The following PTPN4 variants were observed in gnomAD, a reference collection of about 807,000 sequenced individuals.
The protein encoded by PTPN4 is tyrosine-protein phosphatase non-receptor type 4.
PTPN4 carries 49 observed loss-of-function variants against 135.5 expected under a neutral mutation model. That is an observed-to-expected ratio of 0.36 (90% CI 0.29 to 0.46). The LOEUF is 0.46. Ranked by LOEUF, PTPN4 falls within the 20% of genes least tolerant of loss-of-function variation. PTPN4 has a pLI of 1.00. For missense variants in PTPN4, 860 were observed against 1,101.0 expected (o/e 0.78, Z 3.10); for synonymous variants, 333 against 369.9 (o/e 0.90, Z 1.14).
At chr2:119,820,652 T>G (rs1677052521) in intron 2 of PTPN4, among the ~76,000 whole-genome samples, 1 of 152,214 alleles carries the variant, frequency 6.6e-6, no homozygotes, top group Non-Finnish European at 1.5e-5. Context: ...AACCCACCAT[T>G]CATAATGTTT....
Position 119,795,720 on chromosome 2 carries a change from A to C in PTPN4, c.-17-14117A>C, listed in dbSNP as rs775457797. Among the ~76,000 whole-genome samples, 117 of 152,320 alleles carry C rather than the reference A, an allele frequency of 7.7e-4. No individual in the cohort carries two copies. In the Middle Eastern group the frequency reaches 0.017, roughly 22 times the overall value. On this transcript the variant is annotated intron_variant, in intron 1 of 26. Transcript: ENST00000263708. Reference sequence around the variant, plus strand: ...AACTGTAACTTTTGCAGCAACATCCATGCCTGGGGGGCGGGGCTTCTGCCT... The same window carrying C: ...AACTGTAACTTTTGCAGCAACATCCCTGCCTGGGGGGCGGGGCTTCTGCCT...
Position 119,842,572 on chromosome 2 carries a change from C to T in PTPN4, c.139-19964C>T, listed in dbSNP as rs145982773. Among the ~76,000 whole-genome samples, 585 of 152,254 alleles carry T rather than the reference C, an allele frequency of 3.8e-3. 2 individuals carry two copies. Among genetic ancestry groups the T allele is most frequent in the African/African-American group, 0.013 (540 of 41,552 alleles). On this transcript the variant is annotated intron_variant, in intron 2 of 26. Transcript: ENST00000263708. ...GAAAACAGAAAAATTCAGGTGGACT[C>T]ATGATATAATAAAATAGTTATTGAA...
At chr2:119,878,950 G>A (rs1350950425) in intron 5 of PTPN4, among the ~76,000 whole-genome samples, 7 of 151,744 alleles carry the variant, frequency 4.6e-5, no homozygotes, top group East Asian at 1.9e-4. Context: ...AAAATTAGCC[G>A]GGTGTGGTGG....
intron 26 of PTPN4, among the ~76,000 whole-genome samples, chr2:119,969,717 C>T (rs368562940): frequency 6.6e-6 from 1 of 151,944 alleles, no homozygotes; most frequent in East Asian, 1.9e-4. Context: ...CGCCACCATG[C>T]CCTGCTAATT....
intron 11 of PTPN4, among the ~76,000 whole-genome samples, chr2:119,919,657 T>C (rs751661502): frequency 6.6e-6 from 1 of 152,044 alleles, no homozygotes; most frequent in Non-Finnish European, 1.5e-5. Flanking sequence ...ACCCCGTCTC[T>C]ACTAAACATA....
chr2:119,966,168 G>C (rs1289154739), intron 25 of PTPN4, among the ~76,000 whole-genome samples: 1 of 152,086 alleles, frequency 6.6e-6, no homozygotes, highest in Non-Finnish European at 1.5e-5. Context: ...ATGCTAGAAG[G>C]GACAGAAGGG....
intron 3 of PTPN4, among the ~76,000 whole-genome samples, chr2:119,868,531 G>A (rs183913100): frequency 6.4e-4 from 97 of 152,312 alleles, no homozygotes; most frequent in African/African-American, 2.2e-3. Flanking sequence ...GCAGCACTGT[G>A]ACATGTTCAT....
In PTPN4 at chr2:119,830,521, T is replaced by C. The variant is rs565123057; in HGVS notation, c.138+20530T>C. ...CGAGTCTCTGTCACCCAGGCTGGAG[T>C]GCAGTGGCGCGGTCTTGGCTCAGTG... On this transcript the variant is annotated intron_variant, in intron 2 of 26. Transcript: ENST00000263708. 3.3e-5 allele frequency among the ~76,000 whole-genome samples: 5 copies of C among 152,240 alleles called. No homozygotes were observed. In the East Asian group the frequency reaches 9.7e-4, roughly 29 times the overall value.
At chr2:119,762,928 A>G (rs1690535029) in intron 1 of PTPN4, among the ~76,000 whole-genome samples, 2 of 152,130 alleles carry the variant, frequency 1.3e-5, no homozygotes, top group Non-Finnish European at 2.9e-5. Context: ...GAAGCCTTGA[A>G]GTTTGGCTTA....
chr2:119,968,330 C>T (rs1025141742), intron 26 of PTPN4, among the ~76,000 whole-genome samples: 1 of 152,122 alleles, frequency 6.6e-6, no homozygotes, highest in Admixed American at 6.5e-5. Context: ...AGTTGCCTGG[C>T]ATATTAAATC....
At chr2:119,810,621 T>C (rs1199885234) in intron 2 of PTPN4, among the ~76,000 whole-genome samples, 3 of 152,236 alleles carry the variant, frequency 2.0e-5, no homozygotes, top group Non-Finnish European at 4.4e-5. Flanking sequence ...GTTTCCACTT[T>C]GGGCTCTTAC....
chr2:119,923,837 T>TATAA (rs2105031115), intron 12 of PTPN4, among the ~76,000 whole-genome samples: 1 of 152,010 alleles, frequency 6.6e-6, no homozygotes, highest in East Asian at 1.9e-4. Context: ...GAATAAGTAA[T>TATAA]ATAACTTTAA....
intron 1 of PTPN4, among the ~76,000 whole-genome samples, chr2:119,760,733 C>CTTTTTTTTTTTTTTTTTTTTTTTTTT (rs59953430): frequency 2.5e-5 from 2 of 79,908 alleles, no homozygotes; most frequent in Non-Finnish European, 4.4e-5. Flanking sequence ...GGTAGAATTC[C>CTTTTTTTTTTTTTTTTTTTTTTTTTT]TTTTTTTTTT....
rs559489462 is a variant in PTPN4, at chr2:119,786,774, C to T, written c.-17-23063C>T. Reference sequence around the variant, plus strand: ...ATGGTGGAAGGGACATAGACTCCACCTCTTGGTGTAGTGGCAAAATTGTAG... The same window carrying T: ...ATGGTGGAAGGGACATAGACTCCACTTCTTGGTGTAGTGGCAAAATTGTAG... On this transcript the variant is annotated intron_variant, in intron 1 of 26. Coordinates refer to ENST00000263708, the MANE Select transcript of PTPN4 (RefSeq NM_002830.4). Among the ~76,000 whole-genome samples, 6 of 152,282 alleles carry T rather than the reference C, an allele frequency of 3.9e-5. No individual in the cohort carries two copies. In the East Asian group the frequency reaches 1.2e-3, roughly 29 times the overall value.
At chr2:119,854,363 C>T (rs1677640693) in intron 2 of PTPN4, among the ~76,000 whole-genome samples, 2 of 152,136 alleles carry the variant, frequency 1.3e-5, no homozygotes, top group Admixed American at 1.3e-4. Flanking sequence ...GTTTGAGGAG[C>T]TACCTTTATT....
intron 2 of PTPN4, among the ~76,000 whole-genome samples, chr2:119,828,304 G>A (rs535129023): frequency 2.0e-5 from 3 of 152,312 alleles, no homozygotes; most frequent in African/African-American, 7.2e-5. Context: ...AGTGAGAACC[G>A]CCATGTGGGC....
At chr2:119,819,335 CT>C (rs1375912275) in intron 2 of PTPN4, among the ~76,000 whole-genome samples, 2 of 152,126 alleles carry the variant, frequency 1.3e-5, no homozygotes, top group Non-Finnish European at 2.9e-5. Flanking sequence ...TTTATAGATG[CT>C]TGTAACAGGA....
In PTPN4 at chr2:119,956,841, T is replaced by A. The variant is rs751646819; in HGVS notation, c.1981-3T>A. 4 of 1,578,868 alleles carry A rather than the reference T, an allele frequency of 2.5e-6. No individual in the cohort carries two copies. Among genetic ancestry groups the A allele is most frequent in the Admixed American group, 4.2e-5 (2 of 47,550 alleles). ...GAATTGTACCTTTTTTTTTTTTTTTTAGCAACTGTATCGGAAAAAACCTGG... is the reference window on the plus strand; with the variant it reads ...GAATTGTACCTTTTTTTTTTTTTTTAAGCAACTGTATCGGAAAAAACCTGG... On this transcript the variant is annotated splice_polypyrimidine_tract_variant and splice_region_variant and intron_variant, in intron 20 of 26. Transcript: ENST00000263708.
intron 2 of PTPN4, among the ~76,000 whole-genome samples, chr2:119,846,930 A>G (rs1271832338): frequency 6.6e-6 from 1 of 151,434 alleles, no homozygotes; most frequent in Non-Finnish European, 1.5e-5. Flanking sequence ...TACATATATT[A>G]CAAACCCAAA....
Sources: gnomAD v4.1 joint callset for allele counts (sites outside exome capture counted in the v4.1 genomes callset) on GRCh38, gnomAD v4.1.1 for gene constraint, MANE v1.5 for transcripts, NCBI Gene and HGNC (gene_info 2026-07-23, HGNC 2026-07-21) for gene names.